The following ZNF431 variants were observed in gnomAD, a reference collection of about 807,000 sequenced individuals.
The protein encoded by ZNF431 is zinc finger protein 431.
A neutral mutation model predicts 57.0 loss-of-function variants in ZNF431; 34 were observed. The observed-to-expected ratio is 0.60, with a 90% CI of 0.45 to 0.79. The LOEUF is 0.79. ZNF431 is among the 30% of genes least tolerant of loss of function. ZNF431 has a pLI of 0.00. For missense variants in ZNF431, 607 were observed against 667.1 expected (o/e 0.91, Z 0.99); for synonymous variants, 207 against 220.3 (o/e 0.94, Z 0.54).
At position 21,182,710 on chromosome 19, in the gene ZNF431, A is replaced by C; in HGVS notation, c.407A>C (p.Lys136Thr). Residue 136 changes from lysine to threonine, a missense_variant, in exon 5 of 5, where the codon AAA becomes ACA. Transcript: ENST00000311048. ...CAAGTAATACTGAGAAGATATGGCA[A>C]ATGTGAACATGAGAATTTACAGTTA... ...FQQVILRRYG[K>T]CEHENLQLRK... 6.2e-7 allele frequency: 1 copy of C among 1,613,914 alleles called. No individual in the cohort carries two copies. Among genetic ancestry groups the C allele is most frequent in the Non-Finnish European group, 8.5e-7 (1 of 1,179,862 alleles).
At chr19:21,147,711 A>T (rs912466526) in intron 2 of ZNF431, among the ~76,000 whole-genome samples, 1 of 152,190 alleles carries the variant, frequency 6.6e-6, no homozygotes, top group Non-Finnish European at 1.5e-5. Flanking sequence ...CCATGAAGTC[A>T]GCATGTTCTT....
rs1265070079 is a variant in ZNF431 at position 21,194,442 on chromosome 19, A to C, written c.*10408A>C. 1 of 151,970 alleles carries C rather than the reference A, an allele frequency of 6.6e-6. No homozygotes were observed. Among genetic ancestry groups the C allele is most frequent in the African/African-American group, 2.4e-5 (1 of 41,382 alleles). The allele number at this position is 151,970 out of a possible 1,614,324, so 9.4% of individuals were successfully genotyped here. The stretch of plus-strand genomic sequence containing the variant: ...GCTGCCTAGAGCAGCCTACAAAATA[A>C]GTTTTTGTTTTTTTATCAAAATGTC... On this transcript the variant is annotated 3_prime_UTR_variant, in exon 5 of 5. Transcript: ENST00000311048.
intron 2 of ZNF431, among the ~76,000 whole-genome samples, chr19:21,155,504 G>A (rs1437798324): frequency 1.3e-5 from 2 of 152,166 alleles, no homozygotes; most frequent in African/African-American, 2.4e-5. Context: ...GGCAATGTGG[G>A]CTCCTTTTTG....
intron 2 of ZNF431, among the ~76,000 whole-genome samples, chr19:21,161,527 A>T (rs899615935): frequency 6.6e-6 from 1 of 152,216 alleles, no homozygotes; most frequent in Non-Finnish European, 1.5e-5. Flanking sequence ...TTAAAGTTAC[A>T]TAAACTCTGG....
chr19:21,144,433 A>G (rs922969276), intron 2 of ZNF431, among the ~76,000 whole-genome samples: 1 of 151,890 alleles, frequency 6.6e-6, no homozygotes, highest in African/African-American at 2.4e-5. Context: ...CGAACTCCTG[A>G]CCTCAGATGA....
chr19:21,194,147 G>C lies in ZNF431; in HGVS notation c.*10113G>C, dbSNP rs1971562387. 6.6e-6 allele frequency: 1 copy of C among 152,112 alleles called. No individual in the cohort carries two copies. The allele number at this position is 152,112 out of a possible 1,614,324, so 9.4% of individuals were successfully genotyped here. A position where few individuals can be genotyped will look rare whatever the true frequency, so the allele number is the denominator to read the frequency against. On this transcript the variant is annotated 3_prime_UTR_variant, in exon 5 of 5. Transcript: ENST00000311048. Reference sequence around the variant, plus strand: ...CCAAAAGACTCCTAAGGTTAAAAATGACTTCAGCAAAGTCTCAGGATACAA... The same window carrying C: ...CCAAAAGACTCCTAAGGTTAAAAATCACTTCAGCAAAGTCTCAGGATACAA...
rs1971395255 is a variant in ZNF431 at position 21,187,268 on chromosome 19, CAGTCTCTACTAAAACTACAAAAAT to C, written c.*3237_*3260del. Reference sequence around the variant, plus strand: ...CCAGCCTGATGAATATGGTGAAACCCAGTCTCTACTAAAACTACAAAAATAGCCAGGCATGGTGGTGGGTGCCTG... The same window carrying C: ...CCAGCCTGATGAATATGGTGAAACCCAGCCAGGCATGGTGGTGGGTGCCTG... On this transcript the variant is annotated 3_prime_UTR_variant, in exon 5 of 5. Coordinates refer to ENST00000311048, the MANE Select transcript of ZNF431 (RefSeq NM_133473.4). 1 of 151,918 alleles carries C rather than the reference CAGTCTCTACTAAAACTACAAAAAT, an allele frequency of 6.6e-6. No individual in the cohort carries two copies. Among genetic ancestry groups the C allele is most frequent in the Non-Finnish European group, 1.5e-5 (1 of 68,002 alleles). 9.4% of individuals were successfully genotyped at this position (151,918 alleles called of 1,614,324 possible). A position where few individuals can be genotyped will look rare whatever the true frequency, so the allele number is the denominator to read the frequency against.
intron 4 of ZNF431, among the ~76,000 whole-genome samples, chr19:21,174,380 T>C (rs1267575064): frequency 1.3e-5 from 2 of 152,246 alleles, no homozygotes; most frequent in African/African-American, 4.8e-5. Flanking sequence ...TTCACCTTTG[T>C]CAACGTTTGC....
chr19:21,145,494 CAAAT>C (rs1159920403), intron 2 of ZNF431, among the ~76,000 whole-genome samples: 1 of 152,064 alleles, frequency 6.6e-6, no homozygotes, highest in African/African-American at 2.4e-5. Context: ...AACAAAGAAA[CAAAT>C]AAAAGCCCAG....
rs1037033410 is a variant in ZNF431, at chr19:21,182,730, C to T, written c.427C>T (p.Gln143Ter). The T allele has an allele frequency of 6.2e-7, 1 of 1,613,846 alleles. No individual in the cohort carries two copies. Among genetic ancestry groups the T allele is most frequent in the Non-Finnish European group, 8.5e-7 (1 of 1,179,852 alleles). The change falls in exon 5 of 5, where the codon CAG becomes TAG. Residue 143 changes from glutamine (Q) to a stop codon, truncating the protein, a stop_gained. Transcript: ENST00000311048. LOFTEE classifies it high-confidence loss of function. Reference protein sequence around the residue: ...RYGKCEHENLQLRKGSASVDE... With the variant: ...RYGKCEHENL Reference sequence around the variant, plus strand: ...TGGCAAATGTGAACATGAGAATTTACAGTTAAGAAAAGGCTCCGCAAGTGT... The same window carrying T: ...TGGCAAATGTGAACATGAGAATTTATAGTTAAGAAAAGGCTCCGCAAGTGT...
rs11881371 is a variant in ZNF431 at position 21,149,886 on chromosome 19, T to C, written c.96+6243T>C. ...TGGACTAGACGTCCTAGTCTTACCT[T>C]CCCCTTGATAATGCAGTAAGGGACT... On this transcript the variant is annotated intron_variant, in intron 2 of 4. Transcript: ENST00000311048. 1,252 of 636,108 alleles carry C rather than the reference T, an allele frequency of 2.0e-3. 18 individuals carry two copies. In the African/African-American group the frequency reaches 0.02, roughly 10 times the overall value. The allele number at this position is 636,108 out of a possible 1,614,324, so 39.4% of individuals were successfully genotyped here. A position where few individuals can be genotyped will look rare whatever the true frequency, so the allele number is the denominator to read the frequency against.
rs1456533278 is a variant in ZNF431, at chr19:21,183,105, G to A, written c.802G>A (p.Ala268Thr). ...CTTCAAATGTGAAGAATGTGGCAAAGCTTTTAAGCAGTCCTCAACCCTTAC... is the reference window on the plus strand; with the variant it reads ...CTTCAAATGTGAAGAATGTGGCAAAACTTTTAAGCAGTCCTCAACCCTTAC... The part of the protein sequence containing the change: ...KPFKCEECGK[A>T]FKQSSTLTTH... The change falls in exon 5 of 5, where the codon GCT (alanine) becomes ACT (threonine). Residue 268 changes from alanine to threonine, a missense_variant. Transcript: ENST00000311048. The A allele has an allele frequency of 1.1e-5, 18 of 1,614,010 alleles. No individual in the cohort carries two copies. The highest frequency in any genetic ancestry group is 1.4e-5 in the Non-Finnish European group (17 of 1,179,956).
rs932343976 is a variant in ZNF431, at chr19:21,192,765, C to A, written c.*8731C>A. 6.6e-6 allele frequency: 1 copy of A among 152,048 alleles called. No homozygotes were observed. Among genetic ancestry groups the A allele is most frequent in the Non-Finnish European group, 1.5e-5 (1 of 68,002 alleles). The allele number at this position is 152,048 out of a possible 1,614,324, so 9.4% of individuals were successfully genotyped here. Reference sequence around the variant, plus strand: ...ATTTATTGGCTGAAGTGCATTTGTTCTATACCTAATTTTTTCAGCGATTTA... The same window carrying A: ...ATTTATTGGCTGAAGTGCATTTGTTATATACCTAATTTTTTCAGCGATTTA... On this transcript the variant is annotated 3_prime_UTR_variant, in exon 5 of 5. Transcript: ENST00000311048.
rs1969952428 is a variant in ZNF431 at position 21,142,070 on chromosome 19, C to T, written c.-114C>T. The T allele has an allele frequency of 3.5e-6, 5 of 1,413,200 alleles. No homozygotes were observed. The highest frequency in any genetic ancestry group is 2.8e-5 in the African/African-American group (2 of 71,036). 87.5% of individuals were successfully genotyped at this position (1,413,200 alleles called of 1,614,324 possible). A position where few individuals can be genotyped will look rare whatever the true frequency, so the allele number is the denominator to read the frequency against. ...TCGCCGCAGCCTGAGCTCCAGGTCT[C>T]CCCTTCGCTGCTCTGTGTCCTCTGC... On this transcript the variant is annotated 5_prime_UTR_variant, in exon 1 of 5. Transcript: ENST00000311048.
intron 4 of ZNF431, among the ~76,000 whole-genome samples, chr19:21,181,941 A>G (rs1262001902): frequency 6.6e-6 from 1 of 151,220 alleles, no homozygotes; most frequent in Non-Finnish European, 1.5e-5. Flanking sequence ...TAGTCTGAAA[A>G]CAATTATCTT....
chr19:21,182,276 G>C (rs774069860), intron 4 of ZNF431, among the ~76,000 whole-genome samples: 2 of 152,008 alleles, frequency 1.3e-5, no homozygotes, highest in Admixed American at 6.6e-5. Flanking sequence ...AAAAAGAAAC[G>C]AAAAGTTAGC....
chr19:21,162,511 G>A (rs1970603208), intron 2 of ZNF431, among the ~76,000 whole-genome samples: 1 of 151,948 alleles, frequency 6.6e-6, no homozygotes, highest in African/African-American at 2.4e-5. Context: ...TCACCATTTT[G>A]GCCAGGCTGG....
chr19:21,174,029 T>G (rs1275472006), intron 4 of ZNF431, among the ~76,000 whole-genome samples: 1 of 151,500 alleles, frequency 6.6e-6, no homozygotes, highest in Non-Finnish European at 1.5e-5. Context: ...CACTGCAACC[T>G]CTGCCTCCTG....
intron 2 of ZNF431, among the ~76,000 whole-genome samples, chr19:21,158,918 A>C (rs1434109018): frequency 6.7e-6 from 1 of 149,434 alleles, no homozygotes; most frequent in African/African-American, 2.5e-5. Flanking sequence ...GGAGGAATGC[A>C]TCCAGCTTGT....
Sources: gnomAD v4.1 joint callset for allele counts (sites outside exome capture counted in the v4.1 genomes callset) on GRCh38, gnomAD v4.1.1 for gene constraint, MANE v1.5 for transcripts, NCBI Gene and HGNC (gene_info 2026-07-23, HGNC 2026-07-21) for gene names.